The following DPP10 variants were observed in gnomAD, a reference collection of about 807,000 sequenced individuals.
DPP10 encodes dipeptidyl peptidase like 10.
A neutral mutation model predicts 120.9 loss-of-function variants in DPP10; 33 were observed. That is an observed-to-expected ratio of 0.27 (90% confidence interval 0.21 to 0.37). DPP10 has a LOEUF of 0.37. Ranked by LOEUF, DPP10 falls within the 10% of genes least tolerant of loss-of-function variation. DPP10 has a pLI of 1.00. For synonymous variants in DPP10, 337 were observed against 326.1 expected (o/e 1.03, Z -0.36); for missense variants, 816 against 942.8 (o/e 0.87, Z 1.76).
At chr2:115,103,288 T>C (rs370860240) in intron 1 of DPP10, among the ~76,000 whole-genome samples, 3 of 150,754 alleles carry the variant, frequency 2.0e-5, no homozygotes, top group East Asian at 2.0e-4. Context: ...CCCGGGTTCA[T>C]GCCATTCTCC....
intron 2 of DPP10, among the ~76,000 whole-genome samples, chr2:115,316,202 T>C (rs1299010976): frequency 2.6e-5 from 4 of 152,168 alleles, no homozygotes; most frequent in African/African-American, 7.2e-5. Context: ...ATTTACATTC[T>C]AGAGTATTCA....
intron 1 of DPP10, among the ~76,000 whole-genome samples, chr2:114,696,851 C>T (rs759647218): frequency 1.3e-4 from 19 of 151,250 alleles, no homozygotes; most frequent in African/African-American, 2.4e-4. Context: ...GGGCTTTAGA[C>T]GCTGGCAAGC....
intron 1 of DPP10, among the ~76,000 whole-genome samples, chr2:114,883,495 A>G (rs1358291045): frequency 2.0e-5 from 3 of 152,194 alleles, no homozygotes; most frequent in Non-Finnish European, 2.9e-5. Flanking sequence ...ATATGAATAA[A>G]CATATTGTTA....
At chr2:115,011,308 C>T (rs1396922) in intron 1 of DPP10, among the ~76,000 whole-genome samples, 79,926 of 151,908 alleles carry the variant, frequency 0.53, 21,877 homozygotes, top group East Asian at 0.65. Context: ...ATTATGTTGT[C>T]GTTTACCTCT....
chr2:114,803,234 A>G (rs1032971545), intron 1 of DPP10, among the ~76,000 whole-genome samples: 1 of 151,908 alleles, frequency 6.6e-6, no homozygotes, highest in Non-Finnish European at 1.5e-5. Flanking sequence ...TGATTCTGAG[A>G]CCTCCCCAGC....
intron 3 of DPP10, among the ~76,000 whole-genome samples, chr2:115,405,925 G>A (rs1327029004): frequency 6.6e-6 from 1 of 152,124 alleles, no homozygotes; most frequent in African/African-American, 2.4e-5. Flanking sequence ...AAATGCCTTT[G>A]GGGTCTTTTT....
At chr2:115,140,936 A>AC (rs1218028117) in intron 1 of DPP10, among the ~76,000 whole-genome samples, 2 of 151,602 alleles carry the variant, frequency 1.3e-5, no homozygotes, top group African/African-American at 4.9e-5. Context: ...GAAAAAAAAA[A>AC]AAAAACTAAA....
At chr2:115,633,587 G>A (rs369317606) in intron 5 of DPP10, among the ~76,000 whole-genome samples, 3 of 151,734 alleles carry the variant, frequency 2.0e-5, no homozygotes, top group Admixed American at 6.6e-5. Flanking sequence ...TAAAAAAAAA[G>A]AAAAGAATGT....
intron 1 of DPP10, among the ~76,000 whole-genome samples, chr2:115,115,506 C>G (rs1421514723): frequency 6.6e-6 from 1 of 152,114 alleles, no homozygotes; most frequent in Non-Finnish European, 1.5e-5. Context: ...TTCCACACAC[C>G]AATTTGCTTA....
chr2:115,614,884 T>G lies in DPP10; in HGVS notation c.442-74803T>G, dbSNP rs180746909. ...ATCCTGGATACACAGAAATATAATA[T>G]AATATTTGAGTGAAATAAGTATTAA... On this transcript the variant is annotated intron_variant, in intron 5 of 25. Coordinates refer to ENST00000410059, the MANE Select transcript of DPP10 (RefSeq NM_020868.6). 3.3e-5 allele frequency among the ~76,000 whole-genome samples: 5 copies of G among 152,288 alleles called. No individual in the cohort carries two copies. The East Asian group carries it at 9.6e-4, about 29-fold the overall frequency.
chr2:115,544,473 CCATGGGAAATATGAGCAACCTGGT>C (rs1209835420), intron 5 of DPP10, among the ~76,000 whole-genome samples: 1 of 151,926 alleles, frequency 6.6e-6, no homozygotes, highest in Non-Finnish European at 1.5e-5. Flanking sequence ...TCAATTGAGG[CCATGGGAAATATGAGCAACCTGGT>C]CAAGGTTTTA....
intron 1 of DPP10, among the ~76,000 whole-genome samples, chr2:114,924,457 G>T (rs2104451652): frequency 6.6e-6 from 1 of 151,888 alleles, no homozygotes; most frequent in East Asian, 1.9e-4. Flanking sequence ...AACCTGGGAG[G>T]CAGAGTTTGC....
chr2:115,479,597 A>C (rs566014514), intron 3 of DPP10, among the ~76,000 whole-genome samples: 2 of 152,260 alleles, frequency 1.3e-5, no homozygotes, highest in South Asian at 4.1e-4. Flanking sequence ...ACTATAATTA[A>C]AAAATGAGGA....
At chr2:115,253,959 CT>C (rs1346144538) in intron 1 of DPP10, among the ~76,000 whole-genome samples, 1 of 152,244 alleles carries the variant, frequency 6.6e-6, no homozygotes, top group Admixed American at 6.5e-5. Context: ...GGCTCTGCCC[CT>C]GAAGCAGGCT....
intron 5 of DPP10, among the ~76,000 whole-genome samples, chr2:115,574,464 C>T (rs1482516268): frequency 6.6e-6 from 1 of 152,174 alleles, no homozygotes; most frequent in Non-Finnish European, 1.5e-5. Context: ...GCCTCTGATT[C>T]AGTTGCTTTC....
chr2:114,668,643 G>A (rs1698111159), intron 1 of DPP10, among the ~76,000 whole-genome samples: 2 of 152,124 alleles, frequency 1.3e-5, no homozygotes, highest in South Asian at 4.1e-4. Context: ...GTAGCCTAAG[G>A]TAAAACCTGA....
At chr2:115,307,436 C>G (rs867600499) in intron 1 of DPP10, among the ~76,000 whole-genome samples, 1 of 151,992 alleles carries the variant, frequency 6.6e-6, no homozygotes, top group African/African-American at 2.4e-5. Context: ...CATTTCTATT[C>G]TTTTTCCTGT....
intron 1 of DPP10, among the ~76,000 whole-genome samples, chr2:114,703,511 T>A (rs1037432082): frequency 6.6e-5 from 10 of 152,196 alleles, no homozygotes; most frequent in Non-Finnish European, 1.5e-4. Flanking sequence ...TACCTTTATA[T>A]TAAAATAAAT....
chr2:115,005,006 G>T (rs4505539), intron 1 of DPP10, among the ~76,000 whole-genome samples: 22 of 152,012 alleles, frequency 1.4e-4, no homozygotes, highest in South Asian at 4.2e-4. Flanking sequence ...TCTCCCAGTA[G>T]GCAGCTGGAG....
Sources: gnomAD v4.1 joint callset for allele counts (sites outside exome capture counted in the v4.1 genomes callset) on GRCh38, gnomAD v4.1.1 for gene constraint, MANE v1.5 for transcripts, NCBI Gene and HGNC (gene_info 2026-07-23, HGNC 2026-07-21) for gene names.